The following ASB15 variants were observed in gnomAD, a reference collection of about 807,000 sequenced individuals.
The protein encoded by ASB15 is ankyrin repeat and SOCS box containing 15.
ASB15 carries 54 observed loss-of-function variants against 58.0 expected under a neutral mutation model. The observed-to-expected ratio is 0.93, with a 90% confidence interval of 0.75 to 1.17. The LOEUF (loss-of-function observed/expected upper bound fraction) is 1.17, where lower values mean the gene tolerates loss of function less well. Among genes scored for constraint, ASB15 ranks in the 50% most tolerant of loss-of-function variants. The pLI is 0.00. For missense variants in ASB15, 680 were observed against 707.4 expected, an observed-to-expected ratio of 0.96 and a Z score of 0.44; for synonymous variants, 249 against 262.4, an observed-to-expected ratio of 0.95 and a Z score of 0.50.
chr7:123,588,816 T>G (rs576534500), intron 1 of ASB15, among the ~76,000 whole-genome samples: 1 of 151,960 alleles, frequency 6.6e-6, no homozygotes, highest in South Asian at 2.1e-4. Flanking sequence ...CCTTTTGATT[T>G]CTTTTTTGAC....
At position 123,617,709 on chromosome 7, in the gene ASB15, T is replaced by C. The variant is rs780702181; in HGVS notation, c.423T>C (p.Asn141=). The change falls in exon 7 of 12, where the codon AAT becomes AAC. Residue 141 remains asparagine, a synonymous_variant. Transcript: ENST00000451215. ...LEKGVWPNTK[N]DKGETPLLIA... Reference sequence around the variant, plus strand: ...AGGGAGTGTGGCCCAACACAAAAAATGATAAAGGAGAGACCCCCCTTCTGA... The same window carrying C: ...AGGGAGTGTGGCCCAACACAAAAAACGATAAAGGAGAGACCCCCCTTCTGA... The C allele has an allele frequency of 6.2e-7, 1 of 1,612,930 alleles. No individual in the cohort carries two copies. Among genetic ancestry groups the C allele is most frequent in the Admixed American group, 1.7e-5 (1 of 59,984 alleles).
In ASB15 at chr7:123,627,271, G is replaced by A. The variant is rs200834397; in HGVS notation, c.859G>A (p.Gly287Arg). The A allele has an allele frequency of 7.3e-5, 118 of 1,612,110 alleles. No homozygotes were observed. Among genetic ancestry groups the A allele is most frequent in the Non-Finnish European group, 9.2e-5 (109 of 1,178,550 alleles). The change falls in exon 9 of 12, where the codon GGG becomes AGG. Residue 287 changes from glycine to arginine, a missense_variant. Physicochemically the swap from Gly to Arg is moderately radical, Grantham distance 125. Coordinates refer to ENST00000451215, the MANE Select transcript of ASB15 (RefSeq NM_001290258.2). Reference protein sequence around the residue: ...HLPIHRAAYEGHYLALKYLIP... With the variant: ...HLPIHRAAYERHYLALKYLIP... ...TCCTATACACCGAGCTGCCTATGAG[G>A]GGCATTATCTGTGAGTGATAAATTA...
rs1801989804 is a variant in ASB15 at position 123,629,217 on chromosome 7, G to T, written c.1223G>T (p.Cys408Phe). ...CTCTCCCATGGAGCTAATGTCAATT[G>T]TTATTTTATGCATGTGAATGACACT... ...LLLSHGANVN[C>F]YFMHVNDTRF... Residue 408 changes from cysteine (C) to phenylalanine (F), a missense_variant, in exon 10 of 12, where the codon TGT becomes TTT. Cys to Phe is a radical substitution (Grantham distance 205, BLOSUM62 -2). Transcript: ENST00000451215. 6 of 1,613,390 alleles carry T rather than the reference G, an allele frequency of 3.7e-6. No individual in the cohort carries two copies. The highest frequency in any genetic ancestry group is 5.1e-6 in the Non-Finnish European group (6 of 1,179,576).
At chr7:123,581,133 A>G (rs1018073214) in intron 1 of ASB15, among the ~76,000 whole-genome samples, 10 of 151,834 alleles carry the variant, frequency 6.6e-5, no homozygotes, top group African/African-American at 2.2e-4. Flanking sequence ...AACCTCCTTC[A>G]GCTCTTTGCG....
Position 123,637,818 on chromosome 7 carries a change from T to C in ASB15, c.*837T>C, listed in dbSNP as rs1483879304. The C allele has an allele frequency of 7.3e-6, 1 of 137,926 alleles. No individual in the cohort carries two copies. The highest frequency in any genetic ancestry group is 1.5e-5 in the Non-Finnish European group (1 of 66,076). The allele number at this position is 137,926 out of a possible 1,614,324, so 8.5% of individuals were successfully genotyped here. ...ATGTTCTCCTGACCTATGTAGACAA[T>C]TGGCCTCATGAACATTTGAACACAA... On this transcript the variant is annotated 3_prime_UTR_variant, in exon 12 of 12. Transcript: ENST00000451215.
intron 7 of ASB15, among the ~76,000 whole-genome samples, chr7:123,623,929 A>AG (rs1584802462): frequency 2.2e-4 from 5 of 22,518 alleles, no homozygotes; most frequent in East Asian, 2.8e-3. Flanking sequence ...GAAGAAAGAA[A>AG]GAAAAGAAAG....
chr7:123,631,593 G>A (rs1157321870), intron 11 of ASB15, among the ~76,000 whole-genome samples: 1 of 151,998 alleles, frequency 6.6e-6, no homozygotes, highest in Non-Finnish European at 1.5e-5. Context: ...ATCAAAAATC[G>A]AGCAGGACAG....
At chr7:123,569,233 A>C (rs1032488931) in intron 1 of ASB15, among the ~76,000 whole-genome samples, 6 of 152,194 alleles carry the variant, frequency 3.9e-5, no homozygotes, top group African/African-American at 1.4e-4. Context: ...AATCTTGGCA[A>C]CATCTTAACA....
In ASB15 at chr7:123,617,662, A is replaced by G; in HGVS notation, c.376A>G (p.Asn126Asp). The stretch of plus-strand genomic sequence containing the variant: ...GGCAGTCAAAGCTGGTCTGGTGGAA[A>G]ATGTAAGAACTTTATTAGAAAAGGG... The part of the protein sequence containing the change: ...TLAVKAGLVE[N>D]VRTLLEKGVW... The change falls in exon 7 of 12, where the codon AAT becomes GAT. Residue 126 changes from asparagine (N) to aspartate (D), a missense_variant. Physicochemically the swap from Asn to Asp is conservative, Grantham distance 23. Coordinates refer to ENST00000451215, the MANE Select transcript of ASB15 (RefSeq NM_001290258.2). 1 of 1,611,968 alleles carries G rather than the reference A, an allele frequency of 6.2e-7. No individual in the cohort carries two copies. Among genetic ancestry groups the G allele is most frequent in the Non-Finnish European group, 8.5e-7 (1 of 1,178,006 alleles).
At chr7:123,578,384 CCT>C (rs1309572771) in intron 1 of ASB15, among the ~76,000 whole-genome samples, 1 of 151,740 alleles carries the variant, frequency 6.6e-6, no homozygotes, top group Non-Finnish European at 1.5e-5. Context: ...TTTGCCTTGG[CCT>C]AAACATCTGT....
chr7:123,629,487 T>C, intron 10 of ASB15, 53 bp downstream of exon 10: 1 of 1,369,910 alleles, frequency 7.3e-7, no homozygotes, highest in Non-Finnish European at 9.9e-7. Context: ...ATTTAATACA[T>C]GTTCATTCAA....
chr7:123,615,709 T>C (rs551292897), intron 4 of ASB15, among the ~76,000 whole-genome samples: 2 of 152,308 alleles, frequency 1.3e-5, no homozygotes, highest in African/African-American at 4.8e-5. Context: ...CTCGCATATG[T>C]AGTTTAGACC....
At chr7:123,612,576 C>G (rs1800528354) in intron 3 of ASB15, among the ~76,000 whole-genome samples, 1 of 151,698 alleles carries the variant, frequency 6.6e-6, no homozygotes, top group Non-Finnish European at 1.5e-5. Context: ...ACAGTGCGAG[C>G]CATGGATGGG....
chr7:123,620,813 C>T (rs780338727), intron 7 of ASB15, among the ~76,000 whole-genome samples: 5 of 151,334 alleles, frequency 3.3e-5, no homozygotes, highest in Non-Finnish European at 4.4e-5. Context: ...CCGCCCTCCT[C>T]GGCCTCCCAA....
At chr7:123,586,241 C>T (rs1799370819) in intron 1 of ASB15, among the ~76,000 whole-genome samples, 1 of 151,632 alleles carries the variant, frequency 6.6e-6, no homozygotes, top group Non-Finnish European at 1.5e-5. Context: ...TCAACACTTG[C>T]TATCTTTTGA....
intron 1 of ASB15, among the ~76,000 whole-genome samples, chr7:123,570,264 C>T (rs1235253746): frequency 6.6e-6 from 1 of 151,984 alleles, no homozygotes; most frequent in Non-Finnish European, 1.5e-5. Flanking sequence ...TCTAGATCTC[C>T]TGACCTCGTG....
chr7:123,601,747 G>C (rs1249941118), upstream of ASB15: 1 of 152,092 alleles, frequency 6.6e-6, no homozygotes, highest in Non-Finnish European at 1.5e-5. Flanking sequence ...ACTTTACCGT[G>C]TGCCAGAGAC....
At chr7:123,632,648 C>T (rs1802183271) in intron 11 of ASB15, among the ~76,000 whole-genome samples, 1 of 152,062 alleles carries the variant, frequency 6.6e-6, no homozygotes, top group Non-Finnish European at 1.5e-5. Context: ...GCCTTTGCAT[C>T]CCTGTAGCTT....
At chr7:123,578,819 C>T (rs1021706294) in intron 1 of ASB15, among the ~76,000 whole-genome samples, 1 of 152,024 alleles carries the variant, frequency 6.6e-6, no homozygotes, top group African/African-American at 2.4e-5. Context: ...TCTTATTTCC[C>T]CTATTTTTGT....
Sources: gnomAD v4.1 joint callset for allele counts (sites outside exome capture counted in the v4.1 genomes callset) on GRCh38, gnomAD v4.1.1 for gene constraint, MANE v1.5 for transcripts, NCBI Gene and HGNC (gene_info 2026-07-23, HGNC 2026-07-21) for gene names.